The following PLPP1 variants were observed in gnomAD, a reference collection of about 807,000 sequenced individuals.
The protein encoded by PLPP1 is phospholipid phosphatase 1.
Under a neutral mutation model 31.2 loss-of-function variants are expected in PLPP1, and 24 were observed. The observed-to-expected ratio is 0.77, with a 90% CI of 0.56 to 1.08. The LOEUF (loss-of-function observed/expected upper bound fraction) is 1.08. Among genes scored for constraint, PLPP1 ranks in the 50% least tolerant of loss-of-function variants. The pLI, the probability that PLPP1 is intolerant of heterozygous loss-of-function variation, is 0.00. For missense variants in PLPP1, 319 were observed against 342.7 expected (o/e 0.93, Z 0.55); for synonymous variants, 146 against 126.3 (o/e 1.16, Z -1.05).
intron 3 of PLPP1, among the ~76,000 whole-genome samples, chr5:55,460,756 G>A (rs1317273735): frequency 1.3e-5 from 2 of 152,144 alleles, no homozygotes; most frequent in African/African-American, 2.4e-5. Context: ...TCAGGCAGAA[G>A]GATCACTTGA....
chr5:55,509,692 C>A (rs1753362922), intron 1 of PLPP1, among the ~76,000 whole-genome samples: 1 of 152,130 alleles, frequency 6.6e-6, no homozygotes, highest in African/African-American at 2.4e-5. Context: ...TAAAAAATCA[C>A]GAGCTATTAG....
chr5:55,483,232 ATATAT>A (rs1752706049), intron 1 of PLPP1, among the ~76,000 whole-genome samples: 1 of 152,200 alleles, frequency 6.6e-6, no homozygotes, highest in Admixed American at 6.5e-5. Context: ...TGTCTACTTA[ATATAT>A]TATTACACTA....
intron 1 of PLPP1, among the ~76,000 whole-genome samples, chr5:55,492,691 A>C (rs1752920355): frequency 1.3e-5 from 2 of 152,246 alleles, no homozygotes; most frequent in Admixed American, 6.5e-5. Flanking sequence ...TTTTGTAGCC[A>C]ACATGTATTG....
chr5:55,521,426 G>A (rs1753665279), intron 1 of PLPP1, among the ~76,000 whole-genome samples: 1 of 151,668 alleles, frequency 6.6e-6, no homozygotes, highest in African/African-American at 2.4e-5. Context: ...GCTGAGGTGG[G>A]AAAATCACTT....
intron 1 of PLPP1, among the ~76,000 whole-genome samples, chr5:55,507,229 T>C (rs1011748688): frequency 3.3e-5 from 5 of 152,224 alleles, no homozygotes; most frequent in Non-Finnish European, 7.3e-5. Context: ...GTATACAGAC[T>C]CCATCCTGAT....
At chr5:55,438,906 A>T (rs1447284118) in intron 4 of PLPP1, among the ~76,000 whole-genome samples, 1 of 152,092 alleles carries the variant, frequency 6.6e-6, no homozygotes, top group Non-Finnish European at 1.5e-5. Flanking sequence ...GTCTAAAAAA[A>T]AAAAAAAAAG....
intron 1 of PLPP1, among the ~76,000 whole-genome samples, chr5:55,513,026 T>A (rs1753472874): frequency 6.6e-6 from 1 of 152,224 alleles, no homozygotes; most frequent in Non-Finnish European, 1.5e-5. Context: ...CCGGGTATTA[T>A]TTAAGCTTGT....
intron 4 of PLPP1, among the ~76,000 whole-genome samples, chr5:55,432,295 G>A (rs1751377618): frequency 6.6e-6 from 1 of 151,846 alleles, no homozygotes; most frequent in Non-Finnish European, 1.5e-5. Flanking sequence ...CAGAATAAAT[G>A]GATCAATTCC....
chr5:55,425,738 C>A, intron 5 of PLPP1, 125 bp downstream of exon 5: 1 of 880,482 alleles, frequency 1.1e-6, no homozygotes, highest in Non-Finnish European at 1.7e-6. Flanking sequence ...CTTTTAATAA[C>A]ATTGAGATTC....
chr5:55,525,901 T>C (rs1740416509), intron 1 of PLPP1, among the ~76,000 whole-genome samples: 1 of 151,958 alleles, frequency 6.6e-6, no homozygotes, highest in African/African-American at 2.4e-5. Context: ...ATCTCTATAA[T>C]CCTTAATTAG....
chr5:55,439,926 A>C (rs1751584634), intron 4 of PLPP1, among the ~76,000 whole-genome samples: 1 of 152,140 alleles, frequency 6.6e-6, no homozygotes, highest in Non-Finnish European at 1.5e-5. Context: ...CTTCAAAATA[A>C]ATGGACTAGG....
chr5:55,458,760 TGCC>T (rs1321999218), intron 3 of PLPP1, among the ~76,000 whole-genome samples: 2 of 151,618 alleles, frequency 1.3e-5, no homozygotes, highest in African/African-American at 2.4e-5. Flanking sequence ...TGGTGGCGCA[TGCC>T]TGTAATCCCA....
chr5:55,490,299 C>A (rs942869075), intron 1 of PLPP1, among the ~76,000 whole-genome samples: 1 of 151,646 alleles, frequency 6.6e-6, no homozygotes, highest in East Asian at 1.9e-4. Flanking sequence ...TACAGGCATG[C>A]GCCACCACGC....
intron 3 of PLPP1, among the ~76,000 whole-genome samples, chr5:55,451,457 T>G (rs1018073435): frequency 6.6e-6 from 1 of 152,126 alleles, no homozygotes; most frequent in Admixed American, 6.5e-5. Context: ...GCCAGACAGG[T>G]CACCTCCTAT....
intron 4 of PLPP1, among the ~76,000 whole-genome samples, chr5:55,427,478 G>A (rs928014588): frequency 1.3e-5 from 2 of 152,142 alleles, no homozygotes; most frequent in Non-Finnish European, 2.9e-5. Context: ...TGTTCAAGCT[G>A]TGAAAAAAGT....
intron 1 of PLPP1, among the ~76,000 whole-genome samples, chr5:55,520,113 A>T (rs188776289): frequency 1.3e-5 from 2 of 152,194 alleles, no homozygotes; most frequent in Non-Finnish European, 2.9e-5. Context: ...ACACATCTTT[A>T]TTTATTCATA....
intron 1 of PLPP1, among the ~76,000 whole-genome samples, chr5:55,475,790 A>G (rs952200459): frequency 6.6e-6 from 1 of 152,182 alleles, no homozygotes; most frequent in African/African-American, 2.4e-5. Flanking sequence ...CAGGTTTTTA[A>G]CGCTACTTCC....
intron 3 of PLPP1, among the ~76,000 whole-genome samples, chr5:55,443,068 G>A (rs1751661361): frequency 6.6e-6 from 1 of 151,126 alleles, no homozygotes; most frequent in Admixed American, 6.6e-5. Flanking sequence ...ATTTAAGGGA[G>A]ACGTTGGTTC....
At chr5:55,464,620 G>A (rs1752246189) in intron 3 of PLPP1, among the ~76,000 whole-genome samples, 1 of 152,130 alleles carries the variant, frequency 6.6e-6, no homozygotes, top group Non-Finnish European at 1.5e-5. Flanking sequence ...AGTAAACTGT[G>A]TTATATCCAT....
Sources: allele counts gnomAD v4.1 joint callset (sites outside exome capture counted in the v4.1 genomes callset), GRCh38; gene constraint gnomAD v4.1.1; transcripts MANE v1.5; gene names NCBI Gene and HGNC (gene_info 2026-07-23, HGNC 2026-07-21).